Variants in NACC2 observed in about 807,000 individuals in gnomAD.
NACC2 encodes the protein NACC family member 2, also known as nucleus accumbens-associated protein 2.
A neutral mutation model predicts 25.1 loss-of-function variants in NACC2; 8 were observed. That is an observed-to-expected ratio of 0.32 (90% CI 0.19 to 0.57). The LOEUF (loss-of-function observed/expected upper bound fraction) is 0.57. NACC2 is among the 20% of genes least tolerant of loss of function. The pLI is 0.89. For synonymous variants in NACC2, 435 were observed against 294.7 expected, an observed-to-expected ratio of 1.48 and a Z score of -4.88; for missense variants, 644 against 650.2, an observed-to-expected ratio of 0.99 and a Z score of 0.10.
chr9:136,013,356 G>T lies in NACC2; in HGVS notation c.1158-60C>A. On this transcript the variant is annotated intron_variant, in intron 4 of 5. Coordinates refer to ENST00000277554, the MANE Select transcript of NACC2 (RefSeq NM_144653.5). The surrounding 1 kb of genome is among the most constrained non-coding windows in gnomAD (Gnocchi z 6.6). ...GATGATGGGGAGGGTACCTGGAGGC[G>T]ACCCGCCCGCACGAATGCCCTGCTG... 2 of 1,502,902 alleles carry T rather than the reference G, an allele frequency of 1.3e-6. No homozygotes were observed. The highest frequency in any genetic ancestry group is 1.2e-5 in the South Asian group (1 of 85,838). The allele number at this position is 1,502,902 out of a possible 1,614,324, so 93.1% of individuals were successfully genotyped here.
At chr9:136,053,353 G>C (rs373001530) in intron 1 of NACC2, among the ~76,000 whole-genome samples, 3 of 152,182 alleles carry the variant, frequency 2.0e-5, no homozygotes, top group Non-Finnish European at 1.5e-5. Context: ...AGGTGGCTTC[G>C]TGCCTAGTGT....
chr9:136,042,207 C>G (rs941856800), intron 2 of NACC2, among the ~76,000 whole-genome samples: 3 of 152,086 alleles, frequency 2.0e-5, no homozygotes, highest in Admixed American at 6.5e-5. Context: ...AGGCTGGTCT[C>G]GAGCTCCTGA....
intron 1 of NACC2, among the ~76,000 whole-genome samples, chr9:136,074,533 T>G (rs940731082): frequency 2.0e-5 from 3 of 149,704 alleles, no homozygotes; most frequent in Non-Finnish European, 4.4e-5. Flanking sequence ...AAGATGTTAA[T>G]AATTTCTGAG....
At chr9:136,075,043 G>A (rs747674670) in intron 1 of NACC2, among the ~76,000 whole-genome samples, 1 of 152,112 alleles carries the variant, frequency 6.6e-6, no homozygotes, top group African/African-American at 2.4e-5. Flanking sequence ...AGTAGAGGAC[G>A]TGACCTCCTC....
chr9:136,062,156 AC>A (rs1367168669), intron 1 of NACC2, among the ~76,000 whole-genome samples: 14 of 151,732 alleles, frequency 9.2e-5, no homozygotes, highest in Admixed American at 3.9e-4. Flanking sequence ...ACAGGACAGG[AC>A]AGGACAGGAC....
At chr9:136,044,776 C>T (rs925598498) in intron 2 of NACC2, among the ~76,000 whole-genome samples, 2 of 152,222 alleles carry the variant, frequency 1.3e-5, no homozygotes, top group African/African-American at 2.4e-5. Context: ...GCTCCCCGAC[C>T]GGGCAGGTGT....
At chr9:136,026,310 T>TC (rs1351580056) in intron 2 of NACC2, among the ~76,000 whole-genome samples, 1 of 116,570 alleles carries the variant, frequency 8.6e-6, no homozygotes, top group East Asian at 2.6e-4. Flanking sequence ...ACCACTGCAC[T>TC]CCAGCCTGGG....
In NACC2 at chr9:136,013,364, C is replaced by T. The variant is rs369266798; in HGVS notation, c.1158-68G>A. ...GGAGGGTACCTGGAGGCGACCCGCC[C>T]GCACGAATGCCCTGCTGGGAGGCCA... On this transcript the variant is annotated intron_variant, in intron 4 of 5. Coordinates refer to ENST00000277554, the MANE Select transcript of NACC2 (RefSeq NM_144653.5). This position sits in a 1 kb window ranked among gnomAD's most constrained non-coding sequence, Gnocchi z 6.6. 1.1e-4 allele frequency: 152 copies of T among 1,447,314 alleles called. No individual in the cohort carries two copies. The East Asian group carries it at 1.6e-3, about 16-fold the overall frequency. 89.7% of individuals were successfully genotyped at this position (1,447,314 alleles called of 1,614,324 possible).
chr9:136,088,510 C>T (rs1478222496), intron 1 of NACC2, among the ~76,000 whole-genome samples: 1 of 152,086 alleles, frequency 6.6e-6, no homozygotes, highest in African/African-American at 2.4e-5. Flanking sequence ...GGACATGGCC[C>T]AGTCCGTGGC....
chr9:136,013,220 G>C lies in NACC2; in HGVS notation c.1234C>G (p.Arg412Gly). The change falls in exon 5 of 6, where the codon CGG becomes GGG. Residue 412 changes from arginine (R) to glycine (G), a missense_variant. Coordinates refer to ENST00000277554, the MANE Select transcript of NACC2 (RefSeq NM_144653.5). The surrounding 1 kb of genome is among the most constrained non-coding windows in gnomAD (Gnocchi z 6.6). ...SDPSRKPLDS[R>G]VLNAVKLYCQ... Reference sequence around the variant, plus strand: ...TTACATTTCACAGCGTTCAGGACCCGGCTGTCCAGCGGCTTCCGGCTGGGG... The same window carrying C: ...TTACATTTCACAGCGTTCAGGACCCCGCTGTCCAGCGGCTTCCGGCTGGGG... The C allele has an allele frequency of 7.4e-7, 1 of 1,346,196 alleles. No individual in the cohort carries two copies. The highest frequency in any genetic ancestry group is 2.0e-5 in the Admixed American group (1 of 49,190). The allele number at this position is 1,346,196 out of a possible 1,614,324, so 83.4% of individuals were successfully genotyped here.
At chr9:136,028,610 C>T (rs1840431486) in intron 2 of NACC2, among the ~76,000 whole-genome samples, 1 of 152,144 alleles carries the variant, frequency 6.6e-6, no homozygotes, top group East Asian at 1.9e-4. Flanking sequence ...CTCCATGGAG[C>T]TGGCAGGAGC....
chr9:136,047,611 C>T (rs934710262), intron 2 of NACC2, among the ~76,000 whole-genome samples: 2 of 152,240 alleles, frequency 1.3e-5, no homozygotes, highest in African/African-American at 4.8e-5. Context: ...GGTGTCCCCA[C>T]CCCTCAGCCC....
intron 1 of NACC2, among the ~76,000 whole-genome samples, chr9:136,058,169 G>A (rs918509739): frequency 6.6e-6 from 1 of 152,224 alleles, no homozygotes; most frequent in Non-Finnish European, 1.5e-5. Flanking sequence ...GGGGGCTGCT[G>A]GCACCACCTC....
intron 2 of NACC2, among the ~76,000 whole-genome samples, chr9:136,017,850 C>T (rs898642948): frequency 3.9e-5 from 6 of 152,216 alleles, no homozygotes; most frequent in African/African-American, 9.6e-5. Flanking sequence ...CCCTACCGAG[C>T]GCAAGGCCTG....
chr9:136,039,933 T>C (rs2131153552), intron 2 of NACC2, among the ~76,000 whole-genome samples: 1 of 152,210 alleles, frequency 6.6e-6, no homozygotes, highest in East Asian at 1.9e-4. Flanking sequence ...AAAACTGTCT[T>C]TATTCACAAA....
At chr9:136,024,473 G>GTGTGAGGA (rs1840354474) in intron 2 of NACC2, among the ~76,000 whole-genome samples, 1 of 147,570 alleles carries the variant, frequency 6.8e-6, no homozygotes, top group Non-Finnish European at 1.5e-5. Flanking sequence ...GACAGAGGGT[G>GTGTGAGGA]CGTGTGAGGA....
intron 1 of NACC2, among the ~76,000 whole-genome samples, chr9:136,094,663 C>A (rs866831271): frequency 1.3e-5 from 2 of 152,108 alleles, no homozygotes; most frequent in African/African-American, 4.8e-5. Context: ...GACCCACGAA[C>A]GGGCCCACCT....
rs1453622248 is a variant in NACC2 at position 136,008,056 on chromosome 9, C to A, written c.*3460G>T. ...GAGCCCCGACCCGCAGTCACCAACG[C>A]CGGCACCCCCAGGCGGGTCCTGCTG... On this transcript the variant is annotated 3_prime_UTR_variant, in exon 6 of 6. Transcript: ENST00000277554. The A allele has an allele frequency of 1.3e-5, 2 of 152,282 alleles. No homozygotes were observed. The highest frequency in any genetic ancestry group is 1.9e-4 in the East Asian group (1 of 5,200). 9.4% of individuals were successfully genotyped at this position (152,282 alleles called of 1,614,324 possible). A position where few individuals can be genotyped will look rare whatever the true frequency, so the allele number is the denominator to read the frequency against.
rs1830478659 is a variant in NACC2, at chr9:136,095,242, C to G, written c.-113G>C. 1 of 147,438 alleles carries G rather than the reference C, an allele frequency of 6.8e-6. No homozygotes were observed. Among genetic ancestry groups the G allele is most frequent in the African/African-American group, 2.4e-5 (1 of 40,926 alleles). 9.1% of individuals were successfully genotyped at this position (147,438 alleles called of 1,614,324 possible). On this transcript the variant is annotated 5_prime_UTR_variant, in exon 1 of 6. Transcript: ENST00000277554. ...GGCAGCTGCGGCGCGCCGCCCGCGG[C>G]AGGAAGTGCTTGGCGTCCCGGCGCT...
Sources: allele counts gnomAD v4.1 joint callset (sites outside exome capture counted in the v4.1 genomes callset), GRCh38; gene constraint gnomAD v4.1.1; non-coding constraint Gnocchi (gnomAD v3.1); transcripts MANE v1.5; gene names NCBI Gene and HGNC (gene_info 2026-07-23, HGNC 2026-07-21).